The following ACSF3 variants were observed in gnomAD, a reference collection of about 807,000 sequenced individuals.
ACSF3 encodes the protein acyl-CoA synthetase family member 3, also known as malonate--CoA ligase ACSF3, mitochondrial.
Under a neutral mutation model 53.2 loss-of-function variants are expected in ACSF3, and 78 were observed. The ratio of observed to expected loss-of-function variants is 1.47; its 90% CI spans 1.22 to 1.77. The LOEUF (loss-of-function observed/expected upper bound fraction) is 1.77, where lower values mean the gene tolerates loss of function less well. Among genes scored for constraint, ACSF3 ranks in the 40% most tolerant of loss-of-function variants. The probability of loss-of-function intolerance (pLI) is 0.00; values close to 1 mark genes in which losing one functional copy is unlikely to be tolerated. For synonymous variants in ACSF3, 414 were observed against 333.1 expected (o/e 1.24, Z -2.65); for missense variants, 937 against 771.1 (o/e 1.22, Z -2.55).
chr16:89,111,879 C>T (rs969953803), intron 4 of ACSF3, among the ~76,000 whole-genome samples: 13 of 152,238 alleles, frequency 8.5e-5, no homozygotes, highest in African/African-American at 7.2e-5. Context: ...GCTCTGTTCA[C>T]GATTGCTCTT....
chr16:89,154,246 A>C lies in ACSF3; in HGVS notation c.*39A>C. 3 of 1,595,788 alleles carry C rather than the reference A, an allele frequency of 1.9e-6. No homozygotes were observed. Among genetic ancestry groups the C allele is most frequent in the Non-Finnish European group, 2.6e-6 (3 of 1,167,416 alleles). Reference sequence around the variant, plus strand: ...GACTGCGGGTCTGGTGGGGAGCAGCAGACGTCCCCTTCACACCGAGAACCA... The same window carrying C: ...GACTGCGGGTCTGGTGGGGAGCAGCCGACGTCCCCTTCACACCGAGAACCA... On this transcript the variant is annotated 3_prime_UTR_variant, in exon 11 of 11. Transcript: ENST00000614302.
intron 10 of ACSF3, 123 bp downstream of exon 10, chr16:89,146,172 C>T (rs1912920322): frequency 8.5e-6 from 6 of 709,556 alleles, no homozygotes; most frequent in African/African-American, 3.5e-5. Flanking sequence ...GAAAGACCAG[C>T]AGTGAGGGTC....
At chr16:89,120,054 A>C (rs891771698) in intron 6 of ACSF3, among the ~76,000 whole-genome samples, 34 of 152,224 alleles carry the variant, frequency 2.2e-4, no homozygotes, top group African/African-American at 8.2e-4. Flanking sequence ...GCCGCACTCC[A>C]TGAGCAGCCT....
chr16:89,142,525 A>G lies in ACSF3; in HGVS notation c.1367-2742A>G, dbSNP rs78349821. Among the ~76,000 whole-genome samples, 276 of 80,552 alleles carry G rather than the reference A, an allele frequency of 3.4e-3. 1 individual carries two copies. The highest frequency in any genetic ancestry group is 9.0e-3 in the African/African-American group (143 of 15,944). The allele number at this position is 80,552 out of a possible 152,430, so 52.8% of individuals were successfully genotyped here. On this transcript the variant is annotated intron_variant, in intron 8 of 10. Transcript: ENST00000614302. ...GCCACGCCTGCAGAGACATACCCAC[A>G]CCTGCAGACACACCCACACCTGCAG...
At chr16:89,144,884 C>T (rs1420128478) in intron 8 of ACSF3, among the ~76,000 whole-genome samples, 1 of 152,244 alleles carries the variant, frequency 6.6e-6, no homozygotes, top group Non-Finnish European at 1.5e-5. Flanking sequence ...CCTGAGCCGG[C>T]TTCCTAATGC....
chr16:89,116,676 T>C (rs1433432308), intron 6 of ACSF3, among the ~76,000 whole-genome samples: 10 of 151,734 alleles, frequency 6.6e-5, no homozygotes, highest in Admixed American at 6.6e-4. Context: ...AGTGGGCGGG[T>C]GGGGGCATGT....
chr16:89,106,018 A>T (rs1975935671), intron 4 of ACSF3, among the ~76,000 whole-genome samples: 1 of 152,096 alleles, frequency 6.6e-6, no homozygotes, highest in South Asian at 2.1e-4. Flanking sequence ...ACGGCTTGGG[A>T]GCTGCTGCTG....
chr16:89,119,815 A>G (rs1427557897), intron 6 of ACSF3, among the ~76,000 whole-genome samples: 1 of 152,088 alleles, frequency 6.6e-6, no homozygotes, highest in Non-Finnish European at 1.5e-5. Context: ...ACAGCCCCTC[A>G]CCAAGCGTCT....
chr16:89,116,367 G>T (rs1905114127), intron 6 of ACSF3, among the ~76,000 whole-genome samples: 1 of 152,152 alleles, frequency 6.6e-6, no homozygotes, highest in African/African-American at 2.4e-5. Context: ...TGGGGGTTCA[G>T]GCCCAGGCAG....
At chr16:89,121,005 A>G (rs1906519135) in intron 7 of ACSF3, 92 bp downstream of exon 7, 7 of 1,180,234 alleles carry the variant, frequency 5.9e-6, no homozygotes, top group Non-Finnish European at 8.7e-6. Context: ...CCCTGGAGGC[A>G]GACTCCCCTC....
At chr16:89,132,888 A>AAAGGACACCCAGCTCCCGGC (rs1368366717) in intron 7 of ACSF3, among the ~76,000 whole-genome samples, 1 of 152,268 alleles carries the variant, frequency 6.6e-6, no homozygotes, top group Non-Finnish European at 1.5e-5. Flanking sequence ...GGGAGGAATG[A>AAAGGACACCCAGCTCCCGGC]AAGGACACCC....
intron 6 of ACSF3, 55 bp from the exon 7 acceptor site, chr16:89,120,746 T>C (rs1051783201): frequency 6.5e-7 from 1 of 1,535,222 alleles, no homozygotes; most frequent in African/African-American, 1.4e-5. Context: ...TGTGCTTCTC[T>C]CCTCCAGGTT....
intron 10 of ACSF3, chr16:89,153,285 C>G (rs1450851499): frequency 6.5e-6 from 1 of 153,084 alleles, no homozygotes; most frequent in African/African-American, 2.4e-5. Flanking sequence ...AACCATCCTC[C>G]CTTTGGGGGG....
chr16:89,134,640 C>T (rs578229767), intron 8 of ACSF3, among the ~76,000 whole-genome samples: 2 of 152,304 alleles, frequency 1.3e-5, no homozygotes, highest in African/African-American at 2.4e-5. Flanking sequence ...AGAGGGCAGC[C>T]GTTGCCAGGT....
rs766855883 is a variant in ACSF3, at chr16:89,155,064, C to G, written c.*857C>G. ...CAGCTCCGGAGCCCACAGGCGTGGC[C>G]GATGCAGAAACCTCAGGAAGGTGTG... is the stretch of plus-strand genomic sequence containing the variant. On this transcript the variant is annotated 3_prime_UTR_variant, in exon 11 of 11. Transcript: ENST00000614302. 4.4e-6 allele frequency: 2 copies of G among 453,970 alleles called. No individual in the cohort carries two copies. The highest frequency in any genetic ancestry group is 4.0e-5 in the African/African-American group (2 of 49,980). 28.1% of individuals were successfully genotyped at this position (453,970 alleles called of 1,614,324 possible).
At chr16:89,100,385 G>C (rs892826388) in intron 2 of ACSF3, among the ~76,000 whole-genome samples, 1 of 152,168 alleles carries the variant, frequency 6.6e-6, no homozygotes, top group Non-Finnish European at 1.5e-5. Context: ...CTTCTCCTTG[G>C]TTTTACCTAG....
chr16:89,145,879 T>G, intron 9 of ACSF3, 59 bp from the exon 10 acceptor site: 1 of 1,445,870 alleles, frequency 6.9e-7, no homozygotes. Flanking sequence ...CAGGCACTCT[T>G]CGGCCTGTAA....
intron 6 of ACSF3, among the ~76,000 whole-genome samples, chr16:89,120,157 GC>G (rs1317505742): frequency 1.6e-4 from 24 of 152,352 alleles, no homozygotes; most frequent in Admixed American, 4.6e-4. Flanking sequence ...CCTGGGCTCT[GC>G]CCCCACCCCG....
At chr16:89,145,855 T>C (rs1912834585) in intron 9 of ACSF3, 83 bp from the exon 10 acceptor site, 1 of 1,204,408 alleles carries the variant, frequency 8.3e-7, no homozygotes, top group Non-Finnish European at 1.2e-6. Flanking sequence ...CAGACTGCGC[T>C]CTTCCTGTGT....
Sources: allele counts gnomAD v4.1 joint callset (sites outside exome capture counted in the v4.1 genomes callset), GRCh38; gene constraint gnomAD v4.1.1; transcripts MANE v1.5; gene names NCBI Gene and HGNC (gene_info 2026-07-23, HGNC 2026-07-21).